The following HR variants were observed in gnomAD, a reference collection of about 807,000 sequenced individuals.
HR encodes the protein lysine-specific demethylase hairless.
In HR, 83 loss-of-function variants were observed where a neutral mutation model predicts 128.6. The ratio of observed to expected loss-of-function variants is 0.65; its 90% confidence interval spans 0.54 to 0.77. The LOEUF (loss-of-function observed/expected upper bound fraction) is 0.77, where lower values mean the gene tolerates loss of function less well. HR is among the 30% of genes least tolerant of loss of function. The pLI is 0.00. For missense variants in HR, 1,490 were observed against 1,574.6 expected, an observed-to-expected ratio of 0.95 and a Z score of 0.91; for synonymous variants, 681 against 658.2, an observed-to-expected ratio of 1.03 and a Z score of -0.53.
At position 22,120,747 on chromosome 8, in the gene HR, TG is replaced by T; in HGVS notation, c.2578del (p.His860ThrfsTer42). ...EPQPCPRRGF[H>X]LFQEHWRQGQ... is the part of the protein sequence containing the mutation. ...CTGCCTCCAGTGCTCCTGGAAGAGG[TG>T]GAAGCCACGCCGAGGGCAAGGCTGG... On this transcript the variant is annotated frameshift_variant, in exon 11 of 19. Coordinates refer to ENST00000381418, the MANE Select transcript of HR (RefSeq NM_005144.5). LOFTEE classifies it high-confidence loss of function. The T allele has an allele frequency of 6.6e-7, 1 of 1,509,154 alleles. No homozygotes were observed. The highest frequency in any genetic ancestry group is 8.9e-7 in the Non-Finnish European group (1 of 1,128,552). 93.5% of individuals were successfully genotyped at this position (1,509,154 alleles called of 1,614,324 possible). A position where few individuals can be genotyped will look rare whatever the true frequency, so the allele number is the denominator to read the frequency against.
At chr8:22,126,547 C>A (rs190166584) in intron 3 of HR, among the ~76,000 whole-genome samples, 1 of 152,238 alleles carries the variant, frequency 6.6e-6, no homozygotes, top group Admixed American at 6.5e-5. Context: ...TTGTGGCACA[C>A]GCAGTCATCA....
chr8:22,129,392 C>T (rs1396511265), intron 1 of HR, among the ~76,000 whole-genome samples, 182 bp from the exon 2 acceptor site: 1 of 152,260 alleles, frequency 6.6e-6, no homozygotes, highest in Non-Finnish European at 1.5e-5. Context: ...CTTGCTCCTC[C>T]AGTGTGGGGA....
chr8:22,127,625 T>A lies in HR; in HGVS notation c.817A>T (p.Thr273Ser). ...PCPLFLGQPD[T>S]VPWTSWPACP... ...GCGGGCCAGGAGGTCCAGGGCACAG[T>A]GTCTGGCTGCCCCAGGAAGAGCGGG... The change falls in exon 3 of 19, where the codon ACT becomes TCT. Residue 273 changes from threonine (T) to serine (S), a missense_variant. This residue lies in a region of HR where 1,060 missense variants were observed against 1,060.9 expected (regional missense o/e 1.00). Coordinates refer to ENST00000381418, the MANE Select transcript of HR (RefSeq NM_005144.5). The A allele has an allele frequency of 6.2e-7, 1 of 1,610,402 alleles. No individual in the cohort carries two copies. The highest frequency in any genetic ancestry group is 8.5e-7 in the Non-Finnish European group (1 of 1,179,126).
chr8:22,127,903 A>G (rs1826943348), intron 2 of HR, 74 bp from the exon 3 acceptor site: 1 of 1,401,196 alleles, frequency 7.1e-7, no homozygotes, highest in East Asian at 2.3e-5. Flanking sequence ...CAGAACTGAC[A>G]AGCAAGAAGG....
In HR at chr8:22,117,055, G is replaced by A. The variant is rs765701697; in HGVS notation, c.3214-16C>T. 6.8e-7 allele frequency: 1 copy of A among 1,478,598 alleles called. No individual in the cohort carries two copies. Among genetic ancestry groups the A allele is most frequent in the Non-Finnish European group, 8.9e-7 (1 of 1,120,246 alleles). The allele number at this position is 1,478,598 out of a possible 1,614,324, so 91.6% of individuals were successfully genotyped here. On this transcript the variant is annotated splice_polypyrimidine_tract_variant and intron_variant, in intron 16 of 18. Coordinates refer to ENST00000381418, the MANE Select transcript of HR (RefSeq NM_005144.5). ...CCGGGCACACCTCAAAGAAGAGAAG[G>A]GGGAATGAGCGAGATGGGGAGGGAA...
chr8:22,125,433 C>A lies in HR; in HGVS notation c.1628G>T (p.Gly543Val), dbSNP rs1346203441. 2 of 1,613,318 alleles carry A rather than the reference C, an allele frequency of 1.2e-6. No homozygotes were observed. The highest frequency in any genetic ancestry group is 1.7e-6 in the Non-Finnish European group (2 of 1,179,998). ...GCTGAGCCGGCTGTCAGGGCCGGAC[C>A]CTGGGCCTTCCTCAGAGCTGGAGTT... is the stretch of plus-strand genomic sequence containing the variant. ...ATNSSSEEGP[G>V]SGPDSRLSTG... Residue 543 changes from glycine (G) to valine (V), a missense_variant, in exon 5 of 19, where the codon GGG becomes GTG. By Grantham distance (109) the Gly-to-Val change is moderately radical. Transcript: ENST00000381418.
chr8:22,127,092 C>T lies in HR; in HGVS notation c.1350G>A (p.Arg450=), dbSNP rs1826911535. The change falls in exon 3 of 19, where the codon CGG becomes CGA. Residue 450 remains arginine, a synonymous_variant. Transcript: ENST00000381418. ...EQGAGGWQEV[R]DTSIGNKDVD... ...CATCCTTGTTCCCTATCGATGTGTC[C>T]CGCACCTCCTGCCAACCCCCAGCCC... 1 of 1,611,176 alleles carries T rather than the reference C, an allele frequency of 6.2e-7. No homozygotes were observed. Among genetic ancestry groups the T allele is most frequent in the East Asian group, 2.2e-5 (1 of 44,836 alleles).
Position 22,122,885 on chromosome 8 carries a change from G to C in HR, c.1916-6C>G. ...CGCGGACTGCTCCTGAAAGCCTGTGGGGCAGGAAGGGAAAAGCTGCAGGTC... is the reference window on the plus strand; with the variant it reads ...CGCGGACTGCTCCTGAAAGCCTGTGCGGCAGGAAGGGAAAAGCTGCAGGTC... On this transcript the variant is annotated splice_polypyrimidine_tract_variant and splice_region_variant and intron_variant, in intron 6 of 18. Transcript: ENST00000381418. 6.4e-7 allele frequency: 1 copy of C among 1,551,326 alleles called. No homozygotes were observed. The highest frequency in any genetic ancestry group is 8.7e-7 in the Non-Finnish European group (1 of 1,147,172).
chr8:22,122,183 A>C (rs1826770573), intron 8 of HR, among the ~76,000 whole-genome samples: 1 of 152,206 alleles, frequency 6.6e-6, no homozygotes, highest in Non-Finnish European at 1.5e-5. Context: ...ACCTGAAGGA[A>C]CCATGGCCTG....
At chr8:22,124,280 AGTACAGTGGT>A (rs1172782705) in intron 5 of HR, among the ~76,000 whole-genome samples, 1 of 152,186 alleles carries the variant, frequency 6.6e-6, no homozygotes, top group African/African-American at 2.4e-5. Context: ...TCTAGGCTGG[AGTACAGTGGT>A]GTGATTACAG....
In HR at chr8:22,125,497, G is replaced by C; in HGVS notation, c.1564C>G (p.Leu522Val). Residue 522 changes from leucine (L) to valine (V), a missense_variant, in exon 5 of 19, where the codon CTG (leucine) becomes GTG (valine). This residue lies in a region of HR where 1,060 missense variants were observed against 1,060.9 expected (regional missense o/e 1.00). Coordinates refer to ENST00000381418, the MANE Select transcript of HR (RefSeq NM_005144.5). ...TCCTCCTGCTGCAGCTCCCCTCCCA[G>C]AGGCGATCTGGAGAGAGGGCAGGGG... ...CHSQQVRRSPLGGELQQEEDT... is the reference protein window; with the variant it reads ...CHSQQVRRSPVGGELQQEEDT... 10 of 1,613,448 alleles carry C rather than the reference G, an allele frequency of 6.2e-6. No individual in the cohort carries two copies. The highest frequency in any genetic ancestry group is 8.5e-6 in the Non-Finnish European group (10 of 1,179,966).
At position 22,128,944 on chromosome 8, in the gene HR, A is replaced by C. The variant is rs768440033; in HGVS notation, c.227T>G (p.Val76Gly). The stretch of plus-strand genomic sequence containing the variant: ...CCCATTCTGGGGGCCCTCGCCCTCC[A>C]CAAGTGGGAGCATGTCCTTGGGGCC... ...PQGPKDMLPL[V>G]EGEGPQNGER... Residue 76 changes from valine to glycine, a missense_variant, in exon 2 of 19, where the codon GTG (valine) becomes GGG (glycine). Physicochemically the swap from Val to Gly is moderately radical, Grantham distance 109. Coordinates refer to ENST00000381418, the MANE Select transcript of HR (RefSeq NM_005144.5). 6.2e-7 allele frequency: 1 copy of C among 1,613,410 alleles called. No individual in the cohort carries two copies. Among genetic ancestry groups the C allele is most frequent in the South Asian group, 1.1e-5 (1 of 91,090 alleles).
At chr8:22,128,455 C>T (rs377230409) in intron 2 of HR, 104 bp downstream of exon 2, 13 of 1,491,806 alleles carry the variant, frequency 8.7e-6, no homozygotes, top group African/African-American at 4.1e-5. Context: ...CCCTCTACCT[C>T]GGTGCTGCCT....
chr8:22,115,822 C>T, intron 18 of HR, 60 bp from the exon 19 acceptor site: 1 of 1,513,880 alleles, frequency 6.6e-7, no homozygotes. Context: ...ACCCGCTGTC[C>T]CCCACCCTAC....
At chr8:22,117,351 T>C (rs1256467505) in intron 16 of HR, 1 of 391,842 alleles carries the variant, frequency 2.6e-6, no homozygotes, top group East Asian at 4.3e-5. Flanking sequence ...CTCCTCCCTC[T>C]CTCAATGGTA....
At position 22,116,944 on chromosome 8, in the gene HR, G is replaced by A. The variant is rs558767137; in HGVS notation, c.3309C>T (p.Gly1103=). The A allele has an allele frequency of 6.7e-4, 1,032 of 1,545,304 alleles. No individual in the cohort carries two copies. Among genetic ancestry groups the A allele is most frequent in the Non-Finnish European group, 8.5e-4 (981 of 1,150,858 alleles). ...GLRRRLREEW[G]VSCWTLLQAP... Reference sequence around the variant, plus strand: ...CCTGGAGCAGGGTCCAGCAGCTCACGCCCCACTCCTCCCGCAGGCGCCGCC... The same window carrying A: ...CCTGGAGCAGGGTCCAGCAGCTCACACCCCACTCCTCCCGCAGGCGCCGCC... Residue 1103 remains glycine, a synonymous_variant, in exon 17 of 19, where the codon GGC becomes GGT. Coordinates refer to ENST00000381418, the MANE Select transcript of HR (RefSeq NM_005144.5). The surrounding 1 kb of genome is among the most constrained non-coding windows in gnomAD (Gnocchi z 4.2).
intron 2 of HR, chr8:22,128,047 T>G: frequency 1.6e-6 from 1 of 632,434 alleles, no homozygotes; most frequent in Non-Finnish European, 2.8e-6. Flanking sequence ...CACAAGGAAG[T>G]CTAAGAACTA....
intron 16 of HR, chr8:22,118,104 G>A (rs1318266017): frequency 6.6e-6 from 1 of 152,288 alleles, no homozygotes; most frequent in African/African-American, 2.4e-5. Flanking sequence ...CAGCATCTGT[G>A]TGTGTATCTA....
In HR at chr8:22,127,495, G is replaced by A. The variant is rs1014486213; in HGVS notation, c.947C>T (p.Ser316Phe). The A allele has an allele frequency of 2.5e-6, 4 of 1,612,470 alleles. No individual in the cohort carries two copies. Among genetic ancestry groups the A allele is most frequent in the African/African-American group, 1.3e-5 (1 of 74,926 alleles). ...CCGCTGGGTGACAGGCGGCTCAGGA[G>A]AGGGGCACCTTGGTGTTGCTGGTGG... ...LGPPATPRCP[S>F]PEPPVTQRGC... is the part of the protein sequence containing the mutation. The change falls in exon 3 of 19, where the codon TCT becomes TTT. Residue 316 changes from serine to phenylalanine, a missense_variant. This residue lies in a region of HR where 1,060 missense variants were observed against 1,060.9 expected (regional missense o/e 1.00). Transcript: ENST00000381418.
Sources: allele counts gnomAD v4.1 joint callset (sites outside exome capture counted in the v4.1 genomes callset), GRCh38; gene constraint gnomAD v4.1.1; regional missense constraint gnomAD v4.1.1; non-coding constraint Gnocchi (gnomAD v3.1); transcripts MANE v1.5; gene names NCBI Gene and HGNC (gene_info 2026-07-23, HGNC 2026-07-21).